Variants in INVS observed in about 807,000 individuals in gnomAD.
INVS encodes the protein inversin, also known as inversion of embryo turning homolog.
Under a neutral mutation model 108.8 loss-of-function variants are expected in INVS, and 86 were observed. The observed-to-expected ratio is 0.79, with a 90% CI of 0.66 to 0.95. INVS has a LOEUF of 0.95. INVS is among the 40% of genes least tolerant of loss of function. INVS has a pLI of 0.00. For missense variants in INVS, 1,169 were observed against 1,297.4 expected (o/e 0.90, Z 1.52); for synonymous variants, 455 against 473.5 (o/e 0.96, Z 0.51).
chr9:100,121,256 CTTAA>C (rs1827719819), intron 2 of INVS, among the ~76,000 whole-genome samples: 1 of 152,142 alleles, frequency 6.6e-6, no homozygotes, highest in South Asian at 2.1e-4. Context: ...GATTAAGAGA[CTTAA>C]TTACATTTGC....
chr9:100,110,168 C>A (rs189478709), intron 2 of INVS, among the ~76,000 whole-genome samples: 64 of 152,298 alleles, frequency 4.2e-4, no homozygotes, highest in African/African-American at 1.4e-3. Flanking sequence ...ATGCATCCAT[C>A]CTAACAATAG....
chr9:100,241,622 C>T (rs1445365310), intron 6 of INVS, among the ~76,000 whole-genome samples: 2 of 151,990 alleles, frequency 1.3e-5, no homozygotes, highest in African/African-American at 2.4e-5. Flanking sequence ...TTTTGTAGTC[C>T]TTACTGAATT....
intron 3 of INVS, among the ~76,000 whole-genome samples, chr9:100,133,087 A>G (rs1828102164): frequency 6.6e-6 from 1 of 152,234 alleles, no homozygotes; most frequent in Non-Finnish European, 1.5e-5. Flanking sequence ...CCTGGGCAAC[A>G]GAGTGAGACT....
intron 3 of INVS, among the ~76,000 whole-genome samples, chr9:100,211,479 A>ATACCTTTC (rs2118301532): frequency 6.6e-6 from 1 of 152,336 alleles, no homozygotes; most frequent in East Asian, 1.9e-4. Flanking sequence ...AGAGTCAAGA[A>ATACCTTTC]TACCTTTCCA....
At chr9:100,120,012 C>T (rs556804920) in intron 2 of INVS, among the ~76,000 whole-genome samples, 22 of 152,198 alleles carry the variant, frequency 1.4e-4, no homozygotes, top group African/African-American at 4.8e-4. Flanking sequence ...ATTAGTTATG[C>T]TCTAATCAAA....
intron 3 of INVS, among the ~76,000 whole-genome samples, chr9:100,201,482 G>A (rs1022096430): frequency 1.3e-5 from 2 of 152,136 alleles, no homozygotes; most frequent in African/African-American, 4.8e-5. Flanking sequence ...CAAGTACAAG[G>A]AGAAAGCAAA....
chr9:100,209,449 C>G (rs2118287472), intron 3 of INVS, among the ~76,000 whole-genome samples: 1 of 152,214 alleles, frequency 6.6e-6, no homozygotes, highest in Middle Eastern at 3.4e-3. Flanking sequence ...CTGGCTGAGA[C>G]CTCTCTCATG....
chr9:100,282,104 G>C (rs903506401), intron 12 of INVS, among the ~76,000 whole-genome samples: 2 of 152,006 alleles, frequency 1.3e-5, no homozygotes, highest in Admixed American at 6.5e-5. Context: ...CCTGCTCATC[G>C]GTGCTGATAA....
chr9:100,289,137 T>C (rs540248933), intron 13 of INVS, among the ~76,000 whole-genome samples: 1 of 152,374 alleles, frequency 6.6e-6, no homozygotes, highest in African/African-American at 2.4e-5. Context: ...GTTGACATTT[T>C]GTTCTACATT....
Position 100,240,216 on chromosome 9 carries a change from C to G in INVS, c.772C>G (p.Pro258Ala). 6.2e-7 allele frequency: 1 copy of G among 1,613,984 alleles called. No individual in the cohort carries two copies. Among genetic ancestry groups the G allele is most frequent in the South Asian group, 1.1e-5 (1 of 91,088 alleles). The change falls in exon 6 of 17, where the codon CCA (proline) becomes GCA (alanine). Residue 258 changes from proline (P) to alanine (A), a missense_variant. By Grantham distance (27) the Pro-to-Ala change is conservative. Transcript: ENST00000262457. ...ITSYDNLFRT[P>A]LHWAALLGHA... ...GTCTTATGATAACTTATTTCGAACC[C>G]CACTGCACTGGGCAGCTTTATTAGG... is the stretch of plus-strand genomic sequence containing the variant.
chr9:100,166,513 A>G (rs1017979278), intron 3 of INVS, among the ~76,000 whole-genome samples: 3 of 152,058 alleles, frequency 2.0e-5, no homozygotes, highest in African/African-American at 7.2e-5. Flanking sequence ...AGAGAATGAG[A>G]CCTTGTTTAA....
chr9:100,285,774 G>A (rs965133235), intron 13 of INVS, among the ~76,000 whole-genome samples: 1 of 152,182 alleles, frequency 6.6e-6, no homozygotes, highest in African/African-American at 2.4e-5. Flanking sequence ...TTTATCTGGA[G>A]TCAGTCACAT....
intron 13 of INVS, among the ~76,000 whole-genome samples, chr9:100,288,747 G>C (rs1427926187): frequency 6.6e-6 from 1 of 151,798 alleles, no homozygotes; most frequent in Non-Finnish European, 1.5e-5. Context: ...CAGCCTCCCG[G>C]GTGGCTAGGA....
At chr9:100,255,624 G>C (rs1471237563) in intron 10 of INVS, among the ~76,000 whole-genome samples, 4 of 152,148 alleles carry the variant, frequency 2.6e-5, no homozygotes, top group Non-Finnish European at 4.4e-5. Flanking sequence ...TTAGCAGGAA[G>C]GGCTGTTGGA....
rs920228002 is a variant in INVS at position 100,133,933 on chromosome 9, CT to C, written c.273+7391del. 3.3e-5 allele frequency among the ~76,000 whole-genome samples: 5 copies of C among 152,034 alleles called. No homozygotes were observed. In the East Asian group the frequency reaches 5.8e-4, roughly 18 times the overall value. On this transcript the variant is annotated intron_variant, in intron 3 of 16. Coordinates refer to ENST00000262457, the MANE Select transcript of INVS (RefSeq NM_014425.5). Reference sequence around the variant, plus strand: ...GTTTTATTTAGAAAAGCAAACATTCCTTTTTTTAACTTCTATTTTTCCATAA... The same window carrying C: ...GTTTTATTTAGAAAAGCAAACATTCCTTTTTTAACTTCTATTTTTCCATAA...
At chr9:100,225,294 C>T (rs981738436) in intron 3 of INVS, among the ~76,000 whole-genome samples, 4 of 151,370 alleles carry the variant, frequency 2.6e-5, no homozygotes, top group Admixed American at 2.0e-4. Flanking sequence ...GTGATCCACC[C>T]GCCTCGGCCT....
chr9:100,224,080 T>C (rs1481340159), intron 3 of INVS, among the ~76,000 whole-genome samples: 1 of 152,066 alleles, frequency 6.6e-6, no homozygotes, highest in Non-Finnish European at 1.5e-5. Flanking sequence ...AATCTCATAA[T>C]GTTTTAAGAA....
At chr9:100,201,603 A>C (rs768307569) in intron 3 of INVS, among the ~76,000 whole-genome samples, 3 of 152,314 alleles carry the variant, frequency 2.0e-5, no homozygotes, top group Middle Eastern at 3.4e-3. Context: ...AAAGAATCTC[A>C]ACCACTTGCT....
intron 12 of INVS, among the ~76,000 whole-genome samples, chr9:100,279,234 C>A (rs1833204887): frequency 6.6e-6 from 1 of 152,158 alleles, no homozygotes; most frequent in South Asian, 2.1e-4. Context: ...TCCTTAATCT[C>A]ATTTCATAAA....
Sources: gnomAD v4.1 joint callset for allele counts (sites outside exome capture counted in the v4.1 genomes callset) on GRCh38, gnomAD v4.1.1 for gene constraint, MANE v1.5 for transcripts, NCBI Gene and HGNC (gene_info 2026-07-23, HGNC 2026-07-21) for gene names.